Variants in RXRB observed in about 807,000 individuals in gnomAD.
The protein encoded by RXRB is retinoic acid receptor RXR-beta.
A neutral mutation model predicts 52.5 loss-of-function variants in RXRB; 18 were observed. That is an observed-to-expected ratio of 0.34 (90% CI 0.24 to 0.51). The LOEUF is 0.51. Among genes scored for constraint, RXRB ranks in the 20% least tolerant of loss-of-function variants. The pLI is 0.97. For missense variants in RXRB, 455 were observed against 698.2 expected (o/e 0.65, Z 3.92); for synonymous variants, 233 against 267.1 (o/e 0.87, Z 1.25).
In RXRB at chr6:33,197,856, C is replaced by T. The variant is rs770637993; in HGVS notation, c.726G>A (p.Arg242=). The part of the protein sequence containing the change: ...TIRKDLTYSC[R]DNKDCTVDKR... ...TGTCCACTGTGCAGTCTTTGTTGTC[C>T]CGGCAAGAGTATGTAAGGTCTTTGC... The change falls in exon 4 of 10, where the codon CGG becomes CGA. Residue 242 remains arginine, a synonymous_variant. Transcript: ENST00000374680. This position sits in a 1 kb window ranked among gnomAD's most constrained non-coding sequence, Gnocchi z 4.4. The T allele has an allele frequency of 1.2e-6, 2 of 1,613,840 alleles. No individual in the cohort carries two copies. Among genetic ancestry groups the T allele is most frequent in the South Asian group, 2.2e-5 (2 of 91,086 alleles).
rs2150658694 is a variant in RXRB at position 33,194,880 on chromosome 6, T to C, written c.1455-51A>G. ...TTGAGAGCTGGAAGCACACGGGCCCTGAACACATCCTCATAGCACTCCCCA... is the reference window on the plus strand; with the variant it reads ...TTGAGAGCTGGAAGCACACGGGCCCCGAACACATCCTCATAGCACTCCCCA... On this transcript the variant is annotated intron_variant, in intron 9 of 9. Transcript: ENST00000374680. The surrounding 1 kb of genome is among the most constrained non-coding windows in gnomAD (Gnocchi z 4.1). 1 of 1,611,910 alleles carries C rather than the reference T, an allele frequency of 6.2e-7. No individual in the cohort carries two copies. Among genetic ancestry groups the C allele is most frequent in the African/African-American group, 1.3e-5 (1 of 74,990 alleles).
In RXRB at chr6:33,196,621, G is replaced by A. The variant is rs1321242736; in HGVS notation, c.821-15C>T. 2 of 1,571,380 alleles carry A rather than the reference G, an allele frequency of 1.3e-6. No homozygotes were observed. The highest frequency in any genetic ancestry group is 1.4e-5 in the African/African-American group (1 of 73,138). ...CTCCTGTACCGCTGCAGGGGGAAGG[G>A]GGAGAGAAAAAATGGAAAGTCAGCA... On this transcript the variant is annotated splice_polypyrimidine_tract_variant and intron_variant, in intron 4 of 9. Transcript: ENST00000374680. The surrounding 1 kb of genome is among the most constrained non-coding windows in gnomAD (Gnocchi z 4.0).
chr6:33,194,720 G>C lies in RXRB; in HGVS notation c.1564C>G (p.Leu522Val), dbSNP rs11970403. 6.2e-7 allele frequency: 1 copy of C among 1,613,190 alleles called. No homozygotes were observed. Among genetic ancestry groups the C allele is most frequent in the Non-Finnish European group, 8.5e-7 (1 of 1,180,020 alleles). Residue 522 changes from leucine (L) to valine (V), a missense_variant, in exon 10 of 10, where the codon CTC becomes GTC. This residue lies in a region of RXRB where 115 missense variants were observed against 253.1 expected (regional missense o/e 0.45). Coordinates refer to ENST00000374680, the MANE Select transcript of RXRB (RefSeq NM_021976.5). This position sits in a 1 kb window ranked among gnomAD's most constrained non-coding sequence, Gnocchi z 4.1. ...TGGGGAGCCTCAAGCATCTCCATGA[G>C]GAAGGTGTCGATGGGGGTGTCACCA... ...LIGDTPIDTF[L>V]MEMLEAPHQL...
chr6:33,198,296 T>G lies in RXRB; in HGVS notation c.640+12A>C. On this transcript the variant is annotated intron_variant, in intron 3 of 9. Transcript: ENST00000374680. Reference sequence around the variant, plus strand: ...AGACTCTCCCTCTCTGTTCATCCTCTGAGCCACATACCTGAGCTTCTGTCC... The same window carrying G: ...AGACTCTCCCTCTCTGTTCATCCTCGGAGCCACATACCTGAGCTTCTGTCC... The G allele has an allele frequency of 3.7e-6, 6 of 1,612,964 alleles. No individual in the cohort carries two copies. The highest frequency in any genetic ancestry group is 5.1e-6 in the Non-Finnish European group (6 of 1,179,922).
In RXRB at chr6:33,200,255, G is replaced by C; in HGVS notation, c.222C>G (p.Gly74=). Residue 74 remains glycine (G), a synonymous_variant, in exon 1 of 10, where the codon GGC becomes GGG. Transcript: ENST00000374680. This position sits in a 1 kb window ranked among gnomAD's most constrained non-coding sequence, Gnocchi z 6.3. ...TGGGGCACTCACCCCGCCCGCTGTC[G>C]CCCATCCCGTCCCGTCCAGCCTCCC... is the stretch of plus-strand genomic sequence containing the variant. The part of the protein sequence containing the change: ...EPGEAGRDGM[G]DSGRDSRSPD... 1 of 1,606,738 alleles carries C rather than the reference G, an allele frequency of 6.2e-7. No individual in the cohort carries two copies.
chr6:33,200,703 GA>G (rs1774450920), upstream of RXRB: 1 of 1,546,760 alleles, frequency 6.5e-7, no homozygotes. The surrounding 1 kb of genome is among the most constrained non-coding windows in gnomAD (Gnocchi z 6.3). Context: ...CGTCTAGTTG[GA>G]AACCGAGGAG....
At position 33,195,467 on chromosome 6, in the gene RXRB, C is replaced by T; in HGVS notation, c.1257-13G>A. On this transcript the variant is annotated splice_polypyrimidine_tract_variant and intron_variant, in intron 7 of 9. Transcript: ENST00000374680. The surrounding 1 kb of genome is among the most constrained non-coding windows in gnomAD (Gnocchi z 8.6). ...CTCTGTCAGCACCCTGGAGAGGGAC[C>T]TGCAGGTCACTCAAAGGTCACAGCT... is the stretch of plus-strand genomic sequence containing the variant. 1 of 1,612,528 alleles carries T rather than the reference C, an allele frequency of 6.2e-7. No homozygotes were observed. The highest frequency in any genetic ancestry group is 8.5e-7 in the Non-Finnish European group (1 of 1,179,516).
rs1773948508 is a variant in RXRB, at chr6:33,196,919, TA to T, written c.821-314del. ...AGCTGATTGAAAAAAAAAATTTTTT[TA>T]AATAAAATATGCCAAGAAACATGCT... On this transcript the variant is annotated intron_variant, in intron 4 of 9. Transcript: ENST00000374680. The surrounding 1 kb of genome is among the most constrained non-coding windows in gnomAD (Gnocchi z 4.0). Among the ~76,000 whole-genome samples, 2 of 152,286 alleles carry T rather than the reference TA, an allele frequency of 1.3e-5. No homozygotes were observed. Among genetic ancestry groups the T allele is most frequent in the African/African-American group, 4.8e-5 (2 of 41,556 alleles).
Position 33,199,403 on chromosome 6 carries a change from T to C in RXRB, c.249A>G (p.Pro83=). The C allele has an allele frequency of 8.0e-7, 1 of 1,252,656 alleles. No homozygotes were observed. Among genetic ancestry groups the C allele is most frequent in the South Asian group, 4.0e-5 (1 of 25,138 alleles). 77.6% of individuals were successfully genotyped at this position (1,252,656 alleles called of 1,614,324 possible). Reference sequence around the variant, plus strand: ...GAAGGGGATTTGGGGAGGAGCTGTCTGGGCTTCGGGAGTCTGAGGGAGGGG... The same window carrying C: ...GAAGGGGATTTGGGGAGGAGCTGTCCGGGCTTCGGGAGTCTGAGGGAGGGG... ...MGDSGRDSRS[P]DSSSPNPLPQ... The change falls in exon 2 of 10, where the codon CCA becomes CCG. Residue 83 remains proline (P), a synonymous_variant. Coordinates refer to ENST00000374680, the MANE Select transcript of RXRB (RefSeq NM_021976.5).
rs1773985537 is a variant in RXRB, at chr6:33,197,287, T to TCTCAGA, written c.820+469_820+474dup. ...TGACCAAGATATGCTCTAAAGTGTC[T>TCTCAGA]CTCAGAATCCTAGGAATCTGACTTA... On this transcript the variant is annotated intron_variant, in intron 4 of 9. Transcript: ENST00000374680. This position sits in a 1 kb window ranked among gnomAD's most constrained non-coding sequence, Gnocchi z 4.4. Among the ~76,000 whole-genome samples, 1 of 152,180 alleles carries TCTCAGA rather than the reference T, an allele frequency of 6.6e-6. No homozygotes were observed. The highest frequency in any genetic ancestry group is 2.1e-4 in the South Asian group (1 of 4,826).
chr6:33,200,124 G>A lies in RXRB; in HGVS notation c.235+118C>T. On this transcript the variant is annotated intron_variant, in intron 1 of 9. Transcript: ENST00000374680. The surrounding 1 kb of genome is among the most constrained non-coding windows in gnomAD (Gnocchi z 6.3). ...CTAAGGCCCTCGGGAGGGAGGGGAC[G>A]CGTGTTTACAAACAAGGGGGCGGGA... 3 of 1,366,898 alleles carry A rather than the reference G, an allele frequency of 2.2e-6. No homozygotes were observed. The South Asian group carries it at 3.5e-5, about 16-fold the overall frequency. 84.7% of individuals were successfully genotyped at this position (1,366,898 alleles called of 1,614,324 possible). A position where few individuals can be genotyped will look rare whatever the true frequency, so the allele number is the denominator to read the frequency against.
chr6:33,195,969 G>A lies in RXRB; in HGVS notation c.1061C>T (p.Ala354Val). 2 of 1,612,982 alleles carry A rather than the reference G, an allele frequency of 1.2e-6. No homozygotes were observed. Among genetic ancestry groups the A allele is most frequent in the Non-Finnish European group, 1.7e-6 (2 of 1,180,008 alleles). The change falls in exon 6 of 10, where the codon GCG becomes GTG. Residue 354 changes from alanine to valine, a missense_variant. By Grantham distance (64) the Ala-to-Val change is moderately conservative (BLOSUM62 0). Coordinates refer to ENST00000374680, the MANE Select transcript of RXRB (RefSeq NM_021976.5). The surrounding 1 kb of genome is among the most constrained non-coding windows in gnomAD (Gnocchi z 8.6). Reference protein sequence around the residue: ...DKQLFTLVEWAKRIPHFSSLP... With the variant: ...DKQLFTLVEWVKRIPHFSSLP... ...GGAGGAAAAGTGTGGGATCCTCTTC[G>A]CCCACTCAACAAGCGTGAATAGCTG...
At chr6:33,199,814 T>A (rs1166319039) in intron 1 of RXRB, 2 of 511,234 alleles carry the variant, frequency 3.9e-6, no homozygotes, top group Non-Finnish European at 7.6e-6. Flanking sequence ...TACCAGGTCA[T>A]CCCAAAGCCA....
In RXRB at chr6:33,197,747, A is replaced by G; in HGVS notation, c.820+15T>C. 1 of 1,613,284 alleles carries G rather than the reference A, an allele frequency of 6.2e-7. No homozygotes were observed. Among genetic ancestry groups the G allele is most frequent in the Non-Finnish European group, 8.5e-7 (1 of 1,179,716 alleles). On this transcript the variant is annotated intron_variant, in intron 4 of 9. Transcript: ENST00000374680. This position sits in a 1 kb window ranked among gnomAD's most constrained non-coding sequence, Gnocchi z 4.4. Reference sequence around the variant, plus strand: ...GGCATGTGGTCTAAGACGCCTGGGCAGGGCGGGTCCTTACCCTCCCTCTTC... The same window carrying G: ...GGCATGTGGTCTAAGACGCCTGGGCGGGGCGGGTCCTTACCCTCCCTCTTC...
chr6:33,194,599 G>A lies in RXRB; in HGVS notation c.*83C>T. 1 of 1,469,862 alleles carries A rather than the reference G, an allele frequency of 6.8e-7. No homozygotes were observed. Among genetic ancestry groups the A allele is most frequent in the South Asian group, 1.3e-5 (1 of 78,206 alleles). The allele number at this position is 1,469,862 out of a possible 1,614,324, so 91.1% of individuals were successfully genotyped here. A position where few individuals can be genotyped will look rare whatever the true frequency, so the allele number is the denominator to read the frequency against. The stretch of plus-strand genomic sequence containing the variant: ...ACCCCATCAAGGTTCTGGGAACATG[G>A]CCCCCCACCCTGCCCCAGGGCTTGG... On this transcript the variant is annotated 3_prime_UTR_variant, in exon 10 of 10. Coordinates refer to ENST00000374680, the MANE Select transcript of RXRB (RefSeq NM_021976.5). The surrounding 1 kb of genome is among the most constrained non-coding windows in gnomAD (Gnocchi z 4.1).
chr6:33,198,713 A>G (rs551812936), intron 2 of RXRB: 2 of 635,632 alleles, frequency 3.1e-6, no homozygotes, highest in Non-Finnish European at 2.8e-6. Flanking sequence ...AGCAGATGGG[A>G]TCAAAAGGGC....
rs1774099038 is a variant in RXRB, at chr6:33,198,481, A to C, written c.484-17T>G. 3.1e-6 allele frequency: 5 copies of C among 1,611,646 alleles called. No homozygotes were observed. In the East Asian group the frequency reaches 1.1e-4, roughly 36 times the overall value. On this transcript the variant is annotated splice_polypyrimidine_tract_variant and intron_variant, in intron 2 of 9. Transcript: ENST00000374680. ...TGAGTTAATCTGGGATGGGGGAAAT[A>C]GGGAAGTCACAGGAAGACTTATTGG...
Position 33,200,123 on chromosome 6 carries a change from C to G in RXRB, c.235+119G>C. On this transcript the variant is annotated intron_variant, in intron 1 of 9. Coordinates refer to ENST00000374680, the MANE Select transcript of RXRB (RefSeq NM_021976.5). The surrounding 1 kb of genome is among the most constrained non-coding windows in gnomAD (Gnocchi z 6.3). ...GCTAAGGCCCTCGGGAGGGAGGGGACGCGTGTTTACAAACAAGGGGGCGGG... is the reference window on the plus strand; with the variant it reads ...GCTAAGGCCCTCGGGAGGGAGGGGAGGCGTGTTTACAAACAAGGGGGCGGG... 7.3e-7 allele frequency: 1 copy of G among 1,365,620 alleles called. No homozygotes were observed. The highest frequency in any genetic ancestry group is 2.3e-5 in the East Asian group (1 of 43,362). The allele number at this position is 1,365,620 out of a possible 1,614,324, so 84.6% of individuals were successfully genotyped here.
At position 33,197,902 on chromosome 6, in the gene RXRB, C is replaced by T; in HGVS notation, c.680G>A (p.Gly227Asp). ...TTTGCGGATGGTGCGTTTGAAGAAG[C>T]CCTTGCAACCCTCACAGCTGTAAAC... ...YGVYSCEGCKGFFKRTIRKDL... is the reference protein window; with the variant it reads ...YGVYSCEGCKDFFKRTIRKDL... The change falls in exon 4 of 10, where the codon GGC becomes GAC. Residue 227 changes from glycine to aspartate, a missense_variant. Physicochemically the swap from Gly to Asp is moderately conservative, Grantham distance 94. Coordinates refer to ENST00000374680, the MANE Select transcript of RXRB (RefSeq NM_021976.5). This position sits in a 1 kb window ranked among gnomAD's most constrained non-coding sequence, Gnocchi z 4.4. 1 of 1,613,498 alleles carries T rather than the reference C, an allele frequency of 6.2e-7. No homozygotes were observed. Among genetic ancestry groups the T allele is most frequent in the Non-Finnish European group, 8.5e-7 (1 of 1,180,014 alleles).
Sources: gnomAD v4.1 joint callset for allele counts (sites outside exome capture counted in the v4.1 genomes callset) on GRCh38, gnomAD v4.1.1 for gene constraint, gnomAD v4.1.1 regional missense constraint, Gnocchi (gnomAD v3.1) non-coding constraint, MANE v1.5 for transcripts, NCBI Gene and HGNC (gene_info 2026-07-23, HGNC 2026-07-21) for gene names.